The following COLEC12 variants were observed in gnomAD, a reference collection of about 807,000 sequenced individuals.
COLEC12 encodes collectin-12.
COLEC12 carries 33 observed loss-of-function variants against 71.1 expected under a neutral mutation model. The observed-to-expected ratio is 0.46, with a 90% confidence interval of 0.35 to 0.62. The LOEUF (loss-of-function observed/expected upper bound fraction) is 0.62, where lower values mean the gene tolerates loss of function less well. Among genes scored for constraint, COLEC12 ranks in the 20% least tolerant of loss-of-function variants. The pLI, the probability that COLEC12 is intolerant of heterozygous loss-of-function variation, is 0.00. For synonymous variants in COLEC12, 350 were observed against 353.0 expected (o/e 0.99, Z 0.10); for missense variants, 765 against 916.1 (o/e 0.84, Z 2.13).
rs377719221 is a variant in COLEC12 at position 334,795 on chromosome 18, G to A, written c.1763C>T (p.Ala588Val). Residue 588 changes from alanine to valine, a missense_variant, in exon 6 of 10, where the codon GCG becomes GTG. Ala to Val is a moderately conservative substitution (Grantham distance 64, BLOSUM62 0). Coordinates refer to ENST00000400256, the MANE Select transcript of COLEC12 (RefSeq NM_130386.3). Reference sequence around the variant, plus strand: ...ATTCTGCAGGGCCAGGGGCACCACCGCTCCTGATGGGCCAGGAGGGCCGGG... The same window carrying A: ...ATTCTGCAGGGCCAGGGGCACCACCACTCCTGATGGGCCAGGAGGGCCGGG... ...GPPGPPGPSG[A>V]VVPLALQNEP... 1.5e-5 allele frequency: 22 copies of A among 1,497,386 alleles called. No homozygotes were observed. The highest frequency in any genetic ancestry group is 4.6e-4 in the Middle Eastern group (2 of 4,306). The allele number at this position is 1,497,386 out of a possible 1,614,324, so 92.8% of individuals were successfully genotyped here.
intron 2 of COLEC12, among the ~76,000 whole-genome samples, chr18:440,251 A>G (rs1916488753): frequency 6.6e-6 from 1 of 152,150 alleles, no homozygotes. Context: ...TTTCAGTGAT[A>G]AGATGAATAA....
intron 2 of COLEC12, among the ~76,000 whole-genome samples, chr18:433,007 T>A (rs1294338429): frequency 1.3e-5 from 2 of 152,216 alleles, no homozygotes; most frequent in African/African-American, 4.8e-5. Context: ...TTTCATGGCA[T>A]AATTTTGCAC....
chr18:446,554 ATTT>A (rs11308085), intron 2 of COLEC12, among the ~76,000 whole-genome samples: 89,258 of 130,526 alleles, frequency 0.68, 30,618 homozygotes, highest in South Asian at 0.71. Context: ...AAAAAAAAAA[ATTT>A]TTTTTTTTTT....
intron 2 of COLEC12, among the ~76,000 whole-genome samples, chr18:452,794 C>T (rs1384059307): frequency 6.6e-6 from 1 of 152,252 alleles, no homozygotes; most frequent in Non-Finnish European, 1.5e-5. Flanking sequence ...CAGAACTTCA[C>T]ATCTGTTCTT....
At chr18:343,275 C>T (rs1209459126) in intron 5 of COLEC12, among the ~76,000 whole-genome samples, 1 of 152,162 alleles carries the variant, frequency 6.6e-6, no homozygotes, top group Admixed American at 6.5e-5. Flanking sequence ...TGAATACTCA[C>T]AGCACCTTGA....
chr18:494,030 C>G (rs1032598889), intron 1 of COLEC12, among the ~76,000 whole-genome samples: 1 of 151,982 alleles, frequency 6.6e-6, no homozygotes, highest in African/African-American at 2.4e-5. Context: ...TATACTTACA[C>G]ATATTTATCA....
intron 2 of COLEC12, among the ~76,000 whole-genome samples, chr18:437,592 C>A (rs565165110): frequency 4.5e-4 from 69 of 152,198 alleles, no homozygotes; most frequent in African/African-American, 1.5e-3. Flanking sequence ...TGTCTCTTTA[C>A]GATATTCCTA....
chr18:403,496 C>T (rs1915727406), intron 2 of COLEC12, among the ~76,000 whole-genome samples: 1 of 152,232 alleles, frequency 6.6e-6, no homozygotes, highest in Non-Finnish European at 1.5e-5. Context: ...CTCACACTAA[C>T]ACTACACATT....
chr18:464,916 G>A (rs575312958), intron 2 of COLEC12, among the ~76,000 whole-genome samples: 11 of 152,310 alleles, frequency 7.2e-5, no homozygotes, highest in East Asian at 3.9e-4. Flanking sequence ...CACCAAGGCT[G>A]GGGGTGACAC....
In COLEC12 at chr18:333,151, T is replaced by A. The variant is rs370191806; in HGVS notation, c.1817-8A>T. 4.4e-6 allele frequency: 7 copies of A among 1,586,192 alleles called. No homozygotes were observed. The highest frequency in any genetic ancestry group is 6.0e-6 in the Non-Finnish European group (7 of 1,170,476). On this transcript the variant is annotated splice_region_variant and splice_polypyrimidine_tract_variant and intron_variant, in intron 6 of 9. Transcript: ENST00000400256. ...TCCAGTGAGGCGGGCAGCCTAGGAA[T>A]GCAAAAGTGGAAAACATTGATTAAA...
At chr18:343,122 T>C (rs1914294000) in intron 5 of COLEC12, among the ~76,000 whole-genome samples, 1 of 152,082 alleles carries the variant, frequency 6.6e-6, no homozygotes, top group African/African-American at 2.4e-5. Context: ...CCCCCTACCA[T>C]GTGTTCAATT....
chr18:364,068 C>G (rs2143516320), intron 2 of COLEC12, among the ~76,000 whole-genome samples: 1 of 152,292 alleles, frequency 6.6e-6, no homozygotes, highest in East Asian at 1.9e-4. Context: ...GACGTTCATG[C>G]TGAACTTACA....
chr18:369,861 T>C (rs1914962408), intron 2 of COLEC12, among the ~76,000 whole-genome samples: 1 of 152,102 alleles, frequency 6.6e-6, no homozygotes, highest in Admixed American at 6.5e-5. Flanking sequence ...TGTGGAGCCC[T>C]GGTGAATCAG....
chr18:480,687 A>G lies in COLEC12; in HGVS notation c.58+20T>C, dbSNP rs1917396793. The G allele has an allele frequency of 6.2e-7, 1 of 1,611,712 alleles. No homozygotes were observed. Among genetic ancestry groups the G allele is most frequent in the African/African-American group, 1.3e-5 (1 of 74,876 alleles). ...CCCAGGTTGACCACTGAGAAGGAAC[A>G]CAGCTTTGTTAGGACTCACCAAACC... On this transcript the variant is annotated intron_variant, in intron 2 of 9. Transcript: ENST00000400256. The surrounding 1 kb of genome is among the most constrained non-coding windows in gnomAD (Gnocchi z 4.1).
chr18:406,072 C>T (rs1292655577), intron 2 of COLEC12, among the ~76,000 whole-genome samples: 12 of 152,222 alleles, frequency 7.9e-5, no homozygotes, highest in East Asian at 1.9e-4. Context: ...GACCCCTGGT[C>T]GTCCTCACTG....
rs1913987247 is a variant in COLEC12, at chr18:331,742, G to A, written c.1989C>T (p.Ser663=). 6.2e-7 allele frequency: 1 copy of A among 1,613,704 alleles called. No homozygotes were observed. The highest frequency in any genetic ancestry group is 8.5e-7 in the Non-Finnish European group (1 of 1,179,716). Reference sequence around the variant, plus strand: ...CTGAGTCTGTGAGGCCGATCCAGTGGCTCTCTCTCCCTACCATCTGTTTTT... The same window carrying A: ...CTGAGTCTGTGAGGCCGATCCAGTGACTCTCTCTCCCTACCATCTGTTTTT... ...WIKKQMVGRE[S]HWIGLTDSER... The change falls in exon 8 of 10, where the codon AGC becomes AGT. Residue 663 remains serine (S), a synonymous_variant. Transcript: ENST00000400256.
At chr18:459,079 C>G (rs1916928396) in intron 2 of COLEC12, among the ~76,000 whole-genome samples, 1 of 152,176 alleles carries the variant, frequency 6.6e-6, no homozygotes, top group African/African-American at 2.4e-5. Flanking sequence ...TCTCGAACTC[C>G]TGGACTCAAG....
chr18:400,613 G>C (rs139451420), intron 2 of COLEC12, among the ~76,000 whole-genome samples: 7 of 152,252 alleles, frequency 4.6e-5, no homozygotes, highest in African/African-American at 1.7e-4. Context: ...GTAACACTTG[G>C]TATGTCACTA....
chr18:380,555 C>T (rs577806425), intron 2 of COLEC12, among the ~76,000 whole-genome samples: 1 of 152,288 alleles, frequency 6.6e-6, no homozygotes, highest in South Asian at 2.1e-4. Flanking sequence ...ATGCAGCATT[C>T]ATTTGAATTC....
Sources: gnomAD v4.1 joint callset for allele counts (sites outside exome capture counted in the v4.1 genomes callset) on GRCh38, gnomAD v4.1.1 for gene constraint, Gnocchi (gnomAD v3.1) non-coding constraint, MANE v1.5 for transcripts, NCBI Gene and HGNC (gene_info 2026-07-23, HGNC 2026-07-21) for gene names.